STAG1: variants seen among roughly 807,000 people sequenced by gnomAD.
STAG1 encodes the protein cohesin subunit SA-1.
In STAG1, 26 loss-of-function variants were observed where a neutral mutation model predicts 170.9. The observed-to-expected ratio is 0.15, with a 90% CI of 0.11 to 0.21. The LOEUF (loss-of-function observed/expected upper bound fraction) is 0.21. Ranked by LOEUF, STAG1 falls within the 10% of genes least tolerant of loss-of-function variation. The pLI is 1.00. For missense variants in STAG1, 964 were observed against 1,509.5 expected (o/e 0.64, Z 5.99); for synonymous variants, 514 against 497.7 (o/e 1.03, Z -0.44).
chr3:136,638,190 G>C (rs943914473), intron 1 of STAG1, among the ~76,000 whole-genome samples: 1 of 150,630 alleles, frequency 6.6e-6, no homozygotes, highest in Non-Finnish European at 1.5e-5. Context: ...GCAATGGCGC[G>C]ATCTCAGATC....
intron 2 of STAG1, among the ~76,000 whole-genome samples, chr3:136,628,047 A>T (rs1940181509): frequency 6.6e-6 from 1 of 152,050 alleles, no homozygotes; most frequent in East Asian, 1.9e-4. Flanking sequence ...TCTCATCTCG[A>T]ACTGTAATCC....
chr3:136,437,840 G>C (rs2088503021), intron 15 of STAG1, among the ~76,000 whole-genome samples: 1 of 151,942 alleles, frequency 6.6e-6, no homozygotes, highest in Non-Finnish European at 1.5e-5. Context: ...TCAGCCATGG[G>C]CTCTTTCCCT....
At chr3:136,541,537 T>TTCACACACACACACACACACACACACAC (rs1935898566) in intron 6 of STAG1, among the ~76,000 whole-genome samples, 1 of 50,826 alleles carries the variant, frequency 2.0e-5, no homozygotes, top group Non-Finnish European at 4.7e-5. Flanking sequence ...AAGCTTAACA[T>TTCACACACACACACACACACACACACAC]TCACACACAC....
chr3:136,467,367 T>G (rs2089493815), intron 12 of STAG1, among the ~76,000 whole-genome samples: 2 of 152,040 alleles, frequency 1.3e-5, no homozygotes, highest in African/African-American at 2.4e-5. Context: ...TCCTAGTCTC[T>G]GATAAAACAG....
chr3:136,516,520 A>T (rs191112532), intron 7 of STAG1, among the ~76,000 whole-genome samples: 80 of 151,920 alleles, frequency 5.3e-4, no homozygotes, highest in Non-Finnish European at 3.5e-4. Flanking sequence ...AACATACATT[A>T]AAAAAAAGCA....
intron 1 of STAG1, among the ~76,000 whole-genome samples, chr3:136,676,697 A>C (rs1942137585): frequency 1.3e-5 from 2 of 151,992 alleles, no homozygotes; most frequent in Non-Finnish European, 2.9e-5. Context: ...TGATTTTCCG[A>C]ACTAAGCCTC....
At chr3:136,369,513 C>G (rs970874390) in intron 23 of STAG1, among the ~76,000 whole-genome samples, 5 of 151,996 alleles carry the variant, frequency 3.3e-5, no homozygotes, top group Non-Finnish European at 5.9e-5. Flanking sequence ...ATTTCTTTTA[C>G]TTTGCTGTAT....
chr3:136,665,325 G>A (rs547567477), intron 1 of STAG1, among the ~76,000 whole-genome samples: 27 of 152,262 alleles, frequency 1.8e-4, no homozygotes, highest in African/African-American at 5.1e-4. Context: ...GAAGCCAGAG[G>A]AAGGACTGTG....
intron 4 of STAG1, among the ~76,000 whole-genome samples, chr3:136,575,094 T>TA (rs1197273196): frequency 6.6e-6 from 1 of 152,214 alleles, no homozygotes; most frequent in Non-Finnish European, 1.5e-5. Context: ...TCTCAAAAAC[T>TA]GTTGAATCCA....
intron 7 of STAG1, among the ~76,000 whole-genome samples, chr3:136,520,252 T>C (rs969995886): frequency 6.6e-6 from 1 of 152,130 alleles, no homozygotes; most frequent in Non-Finnish European, 1.5e-5. Context: ...TTGAACAAGC[T>C]CTGTAGGTGA....
intron 23 of STAG1, among the ~76,000 whole-genome samples, chr3:136,376,593 C>T (rs1377818617): frequency 1.3e-5 from 2 of 152,144 alleles, no homozygotes; most frequent in Non-Finnish European, 2.9e-5. Flanking sequence ...ACCCAATGTA[C>T]ATATTACTAG....
rs546845695 is a variant in STAG1 at position 136,470,432 on chromosome 3, T to G, written c.1205+1981A>C. On this transcript the variant is annotated intron_variant, in intron 12 of 33. Coordinates refer to ENST00000383202, the MANE Select transcript of STAG1 (RefSeq NM_005862.3). ...AGAGAAATGCAAATCAAAACCACAA[T>G]GAGATACCATCTCACACCAGTTACA... is the stretch of plus-strand genomic sequence containing the variant. Among the ~76,000 whole-genome samples, 15 of 152,180 alleles carry G rather than the reference T, an allele frequency of 9.9e-5. No homozygotes were observed. In the South Asian group the frequency reaches 2.3e-3, roughly 23 times the overall value.
chr3:136,657,026 A>C (rs1408959172), intron 1 of STAG1, among the ~76,000 whole-genome samples: 1 of 151,792 alleles, frequency 6.6e-6, no homozygotes, highest in Non-Finnish European at 1.5e-5. Flanking sequence ...AAAAAGAAAC[A>C]ATGTCCTATA....
At chr3:136,413,136 T>C (rs1296443062) in intron 21 of STAG1, among the ~76,000 whole-genome samples, 1 of 150,728 alleles carries the variant, frequency 6.6e-6, no homozygotes, top group Non-Finnish European at 1.5e-5. Flanking sequence ...AGTGCTGGGA[T>C]TGCAAGTGTG....
At chr3:136,642,056 T>C (rs7646127) in intron 1 of STAG1, among the ~76,000 whole-genome samples, 13,086 of 152,134 alleles carry the variant, frequency 0.086, 1,859 homozygotes, top group African/African-American at 0.3. Context: ...TCAAAACATT[T>C]CTTTACTCTT....
At chr3:136,494,786 G>A (rs1399025775) in intron 9 of STAG1, among the ~76,000 whole-genome samples, 3 of 151,976 alleles carry the variant, frequency 2.0e-5, no homozygotes, top group Non-Finnish European at 2.9e-5. Flanking sequence ...TCCTACTAAA[G>A]GGTATCTACA....
At chr3:136,525,982 C>A (rs914253654) in intron 6 of STAG1, among the ~76,000 whole-genome samples, 2 of 152,112 alleles carry the variant, frequency 1.3e-5, no homozygotes, top group Non-Finnish European at 2.9e-5. Flanking sequence ...AATTTCTGTT[C>A]TTTTACATTT....
chr3:136,596,314 T>C (rs1266166853), intron 4 of STAG1, among the ~76,000 whole-genome samples: 1 of 152,204 alleles, frequency 6.6e-6, no homozygotes. Context: ...GCTATCAACA[T>C]CAAGGCAAGA....
At chr3:136,406,939 T>G (rs1166207289) in intron 21 of STAG1, among the ~76,000 whole-genome samples, 1 of 152,214 alleles carries the variant, frequency 6.6e-6, no homozygotes, top group Non-Finnish European at 1.5e-5. Flanking sequence ...CAAGCTTACA[T>G]ATAAATTCCA....
Sources: gnomAD v4.1 joint callset for allele counts (sites outside exome capture counted in the v4.1 genomes callset) on GRCh38, gnomAD v4.1.1 for gene constraint, MANE v1.5 for transcripts, NCBI Gene and HGNC (gene_info 2026-07-23, HGNC 2026-07-21) for gene names.